The following NHSL2 variants were observed in gnomAD, a reference collection of about 807,000 sequenced individuals.
NHSL2 encodes the protein NHS like 2.
NHSL2 carries 27 observed loss-of-function variants against 53.4 expected under a neutral mutation model. That is an observed-to-expected ratio of 0.51 (90% confidence interval 0.37 to 0.70). NHSL2 has a LOEUF of 0.70. Ranked by LOEUF, NHSL2 falls within the 30% of genes least tolerant of loss-of-function variation. The pLI, the probability that NHSL2 is intolerant of heterozygous loss-of-function variation, is 0.00. For missense variants in NHSL2, 892 were observed against 980.1 expected (o/e 0.91, Z 1.20); for synonymous variants, 408 against 404.1 (o/e 1.01, Z -0.12).
chrX:72,130,919 G>C (rs1373906948), intron 1 of NHSL2: 1 of 1,210,221 alleles, frequency 8.3e-7, no homozygotes, highest in Non-Finnish European at 1.1e-6. Flanking sequence ...CTTCCTTCCT[G>C]GGTGACCGAG....
At chrX:72,117,295 A>G (rs1250074980) in intron 1 of NHSL2, among the ~76,000 whole-genome samples, 2 of 101,394 alleles carry the variant, frequency 2.0e-5, no homozygotes, top group African/African-American at 7.3e-5. Flanking sequence ...TATAGGATCT[A>G]GTATGATGCA....
At chrX:72,098,215 G>C (rs997746880) in intron 1 of NHSL2, among the ~76,000 whole-genome samples, 2 of 112,061 alleles carry the variant, frequency 1.8e-5, no homozygotes, top group Non-Finnish European at 3.8e-5. Flanking sequence ...CTCATTCATA[G>C]ACCCTTGTGG....
At chrX:71,938,917 G>A (rs1007579772) in intron 1 of NHSL2, among the ~76,000 whole-genome samples, 4 of 112,928 alleles carry the variant, frequency 3.5e-5, no homozygotes, top group Non-Finnish European at 5.6e-5. Flanking sequence ...GGTTTATACC[G>A]TAAGGTGCGG....
At position 72,098,580 on chromosome X, in the gene NHSL2, C is replaced by CAA. The variant is rs59018262; in HGVS notation, c.281-33484_281-33483dup. 1.9e-4 allele frequency among the ~76,000 whole-genome samples: 10 copies of CAA among 51,400 alleles called. No homozygotes were observed. In the East Asian group the frequency reaches 2.9e-3, roughly 15 times the overall value. 44.6% of individuals were successfully genotyped at this position (51,400 alleles called of 115,157 possible). On this transcript the variant is annotated intron_variant, in intron 1 of 7. Transcript: ENST00000633930. The stretch of plus-strand genomic sequence containing the variant: ...TGGGTGACAGAGCAAGACTCCGTCT[C>CAA]AAAAAAAAAAAAAAAAGAAAGAGAG...
At chrX:71,967,280 G>A (rs1205468275) in intron 1 of NHSL2, among the ~76,000 whole-genome samples, 4 of 110,351 alleles carry the variant, frequency 3.6e-5, no homozygotes, top group African/African-American at 6.6e-5. Context: ...TTCTGCTTTT[G>A]GTTTCATTGA....
At chrX:72,057,961 C>A (rs997869238) in intron 1 of NHSL2, among the ~76,000 whole-genome samples, 1 of 112,250 alleles carries the variant, frequency 8.9e-6, no homozygotes, top group East Asian at 2.8e-4. Context: ...AAATCTCAAG[C>A]CTGGAGTTGA....
chrX:72,019,203 G>A (rs1045628393), intron 1 of NHSL2, among the ~76,000 whole-genome samples: 1 of 112,476 alleles, frequency 8.9e-6, no homozygotes, highest in Non-Finnish European at 1.9e-5. Context: ...GCAGTGGAGC[G>A]CAGGAGAAAG....
At position 72,152,158 on chromosome X, in the gene NHSL2, C is replaced by T. The variant is rs1384494258; in HGVS notation, c.*8584C>T. Reference sequence around the variant, plus strand: ...TGTTCTAAAGCTTCTTCACGTCTCTCTCCATCCTGCTCCCATCTCCACCTC... The same window carrying T: ...TGTTCTAAAGCTTCTTCACGTCTCTTTCCATCCTGCTCCCATCTCCACCTC... On this transcript the variant is annotated 3_prime_UTR_variant, in exon 8 of 8. Coordinates refer to ENST00000633930, the MANE Select transcript of NHSL2 (RefSeq NM_001013627.3). 8.8e-6 allele frequency: 1 copy of T among 113,025 alleles called. No homozygotes were observed. The highest frequency in any genetic ancestry group is 1.9e-5 in the Non-Finnish European group (1 of 53,385). 9.3% of individuals were successfully genotyped at this position (113,025 alleles called of 1,213,427 possible).
chrX:72,073,278 C>T (rs758366537), intron 1 of NHSL2, among the ~76,000 whole-genome samples: 1 of 110,249 alleles, frequency 9.1e-6, no homozygotes, highest in South Asian at 3.9e-4. Context: ...CGGGGGGGAG[C>T]GGGGCAGTCG....
chrX:72,047,789 G>GT, intron 1 of NHSL2, among the ~76,000 whole-genome samples: 1 of 111,413 alleles, frequency 9.0e-6, no homozygotes, highest in Middle Eastern at 4.7e-3. Context: ...AGACTGCCCA[G>GT]TCAGTTCAGA....
chrX:72,093,759 T>TTTCTTTC (rs2041920302), intron 1 of NHSL2, among the ~76,000 whole-genome samples: 1 of 108,462 alleles, frequency 9.2e-6, no homozygotes, highest in African/African-American at 3.4e-5. Flanking sequence ...TCTTTCTTTC[T>TTTCTTTC]TTCTTTCTTT....
intron 1 of NHSL2, among the ~76,000 whole-genome samples, chrX:72,053,581 G>A (rs190216438): frequency 1.8e-5 from 2 of 111,623 alleles, no homozygotes; most frequent in East Asian, 2.8e-4. Context: ...GTTCAGAATC[G>A]TAGACTGGCA....
intron 1 of NHSL2, among the ~76,000 whole-genome samples, chrX:71,985,204 T>C (rs971416176): frequency 9.0e-6 from 1 of 111,488 alleles, no homozygotes; most frequent in Non-Finnish European, 1.9e-5. Flanking sequence ...CAAATACCCA[T>C]AAGTTGAGTA....
intron 1 of NHSL2, among the ~76,000 whole-genome samples, chrX:72,028,549 A>T (rs2042198303): frequency 8.9e-6 from 1 of 112,100 alleles, no homozygotes; most frequent in African/African-American, 3.2e-5. Context: ...CCTTCCCCAG[A>T]TCTCTACTCC....
At chrX:71,994,067 T>C (rs1239646505) in intron 1 of NHSL2, among the ~76,000 whole-genome samples, 1 of 111,909 alleles carries the variant, frequency 8.9e-6, no homozygotes, top group Non-Finnish European at 1.9e-5. Flanking sequence ...ACCCTCTCCT[T>C]AGGCCAAACA....
intron 1 of NHSL2, among the ~76,000 whole-genome samples, chrX:72,124,963 CT>C (rs1468335410): frequency 8.9e-6 from 1 of 112,248 alleles, no homozygotes; most frequent in Non-Finnish European, 1.9e-5. Flanking sequence ...ACTTTGTCCC[CT>C]TCCACAGGGC....
rs1355153715 is a variant in NHSL2, at chrX:72,152,212, A to G, written c.*8638A>G. ...TGCTTCTTGGGAGTCTGAAGCTCAG[A>G]TTCACATTTTCACATTTTCTCGTAT... On this transcript the variant is annotated 3_prime_UTR_variant, in exon 8 of 8. Transcript: ENST00000633930. The G allele has an allele frequency of 8.8e-6, 1 of 113,318 alleles. No individual in the cohort carries two copies. The highest frequency in any genetic ancestry group is 9.3e-5 in the Admixed American group (1 of 10,721). The allele number at this position is 113,318 out of a possible 1,213,427, so 9.3% of individuals were successfully genotyped here.
At position 72,152,951 on chromosome X, in the gene NHSL2, A is replaced by G. The variant is rs1294569554; in HGVS notation, c.*9377A>G. The G allele has an allele frequency of 1.8e-5, 2 of 112,375 alleles. No individual in the cohort carries two copies. Among genetic ancestry groups the G allele is most frequent in the Admixed American group, 9.4e-5 (1 of 10,617 alleles). 9.3% of individuals were successfully genotyped at this position (112,375 alleles called of 1,213,427 possible). A position where few individuals can be genotyped will look rare whatever the true frequency, so the allele number is the denominator to read the frequency against. ...ACCATTTAGTGCTTACTGAATGCCA[A>G]CAATGCACTTAGAAAAATAAGGGAG... On this transcript the variant is annotated 3_prime_UTR_variant, in exon 8 of 8. Coordinates refer to ENST00000633930, the MANE Select transcript of NHSL2 (RefSeq NM_001013627.3).
chrX:72,040,389 C>A (rs2042267267), intron 1 of NHSL2, among the ~76,000 whole-genome samples: 1 of 112,364 alleles, frequency 8.9e-6, no homozygotes, highest in Non-Finnish European at 1.9e-5. Flanking sequence ...TGTCACTTGA[C>A]CTAGAGGTAC....
Sources: gnomAD v4.1 joint callset for allele counts (sites outside exome capture counted in the v4.1 genomes callset) on GRCh38, gnomAD v4.1.1 for gene constraint, MANE v1.5 for transcripts, NCBI Gene and HGNC (gene_info 2026-07-23, HGNC 2026-07-21) for gene names.